Variants in LDB2 observed in about 807,000 individuals in gnomAD.
LDB2 encodes LIM domain binding 2.
Under a neutral mutation model 44.3 loss-of-function variants are expected in LDB2, and 12 were observed. The observed-to-expected ratio is 0.27, with a 90% CI of 0.17 to 0.44. The LOEUF (loss-of-function observed/expected upper bound fraction) is 0.44. LDB2 is among the 20% of genes least tolerant of loss of function. The pLI, the probability that LDB2 is intolerant of heterozygous loss-of-function variation, is 1.00. For synonymous variants in LDB2, 164 were observed against 174.8 expected (o/e 0.94, Z 0.49); for missense variants, 344 against 473.5 (o/e 0.73, Z 2.54).
chr4:16,887,046 A>T, intron 1 of LDB2, among the ~76,000 whole-genome samples: 1 of 149,678 alleles, frequency 6.7e-6, no homozygotes, highest in Non-Finnish European at 1.5e-5. Context: ...AAAAAAAAAA[A>T]AAAAAAAAAA....
At chr4:16,513,759 T>C (rs1722658353) in intron 5 of LDB2, among the ~76,000 whole-genome samples, 1 of 152,152 alleles carries the variant, frequency 6.6e-6, no homozygotes, top group African/African-American at 2.4e-5. Flanking sequence ...GCAAAGTTTG[T>C]CTTTTACTTT....
chr4:16,694,266 G>A (rs891967180), intron 2 of LDB2, among the ~76,000 whole-genome samples: 7 of 152,174 alleles, frequency 4.6e-5, no homozygotes, highest in South Asian at 4.1e-4. Flanking sequence ...TTACAAACAC[G>A]TTGCCATATT....
At chr4:16,752,572 A>G (rs921425605) in intron 2 of LDB2, 1 of 344,758 alleles carries the variant, frequency 2.9e-6, no homozygotes, top group South Asian at 2.4e-5. Flanking sequence ...CTGTTGTCTC[A>G]TAGGTTTAAC....
intron 5 of LDB2, among the ~76,000 whole-genome samples, chr4:16,579,056 C>T (rs956198136): frequency 1.3e-5 from 2 of 151,620 alleles, no homozygotes; most frequent in Admixed American, 6.6e-5. Flanking sequence ...GTCAGGGTGG[C>T]GGAAAAGGAG....
intron 5 of LDB2, among the ~76,000 whole-genome samples, chr4:16,515,457 A>G (rs1405246491): frequency 6.6e-6 from 1 of 152,222 alleles, no homozygotes; most frequent in Non-Finnish European, 1.5e-5. Context: ...TTGCTACTAC[A>G]AATCAAAGTG....
At chr4:16,710,735 A>T (rs960092141) in intron 2 of LDB2, among the ~76,000 whole-genome samples, 4 of 152,204 alleles carry the variant, frequency 2.6e-5, no homozygotes, top group African/African-American at 9.6e-5. Context: ...ATCCCTAAAC[A>T]ATATTTAGAC....
intron 1 of LDB2, among the ~76,000 whole-genome samples, chr4:16,851,402 T>C (rs1174726965): frequency 6.6e-6 from 1 of 151,804 alleles, no homozygotes; most frequent in Non-Finnish European, 1.5e-5. Flanking sequence ...TTAGTAGGGA[T>C]TGTGGCAATC....
chr4:16,752,344 T>C (rs1765651748), intron 2 of LDB2: 1 of 414,156 alleles, frequency 2.4e-6, no homozygotes. Context: ...GGGATGAAAA[T>C]CTCACCCTCT....
intron 2 of LDB2, among the ~76,000 whole-genome samples, chr4:16,739,754 A>ATGTG (rs1762860656): frequency 7.2e-6 from 1 of 138,764 alleles, no homozygotes; most frequent in Non-Finnish European, 1.5e-5. Context: ...ATATACATAT[A>ATGTG]TATATAACTA....
intron 2 of LDB2, among the ~76,000 whole-genome samples, chr4:16,632,096 A>G (rs913714943): frequency 2.6e-5 from 4 of 152,256 alleles, no homozygotes; most frequent in Non-Finnish European, 5.9e-5. Context: ...TGAGGCCAGC[A>G]TCATCCTGAT....
chr4:16,806,852 T>C (rs1486794486), intron 1 of LDB2, among the ~76,000 whole-genome samples: 2 of 151,968 alleles, frequency 1.3e-5, no homozygotes, highest in Non-Finnish European at 2.9e-5. Context: ...CCTCTTCTTG[T>C]TCTCATTTTC....
Position 16,739,339 on chromosome 4 carries a change from C to T in LDB2, c.235+19819G>A, listed in dbSNP as rs149095922. Among the ~76,000 whole-genome samples, 530 of 151,222 alleles carry T rather than the reference C, an allele frequency of 3.5e-3. 2 individuals are homozygous for T. The highest frequency in any genetic ancestry group is 0.02 in the Middle Eastern group (6 of 294). The stretch of plus-strand genomic sequence containing the variant: ...TGGTGGCTCATGACTGTAATCCCAC[C>T]GCTTTGGGAGGCCGAGGCAGGCAGA... On this transcript the variant is annotated intron_variant, in intron 2 of 7. Transcript: ENST00000304523.
At chr4:16,574,267 TTAACAA>T (rs1312233297) in intron 5 of LDB2, among the ~76,000 whole-genome samples, 18 of 152,208 alleles carry the variant, frequency 1.2e-4, no homozygotes, top group African/African-American at 4.1e-4. Flanking sequence ...TTAGACTTAC[TTAACAA>T]TAACAACAAC....
chr4:16,646,226 T>C (rs141482535), intron 2 of LDB2, among the ~76,000 whole-genome samples: 17 of 152,328 alleles, frequency 1.1e-4, no homozygotes, highest in African/African-American at 4.1e-4. Flanking sequence ...TTTTTTAAAA[T>C]ATGCTGTAAT....
At chr4:16,621,717 A>G (rs1195483048) in intron 2 of LDB2, among the ~76,000 whole-genome samples, 2 of 151,876 alleles carry the variant, frequency 1.3e-5, no homozygotes, top group East Asian at 3.9e-4. Context: ...CACCCCAGCT[A>G]ATTTCTTTTA....
At chr4:16,527,667 C>A (rs1728709257) in intron 5 of LDB2, among the ~76,000 whole-genome samples, 1 of 152,110 alleles carries the variant, frequency 6.6e-6, no homozygotes, top group Non-Finnish European at 1.5e-5. Context: ...GTGGAACCAG[C>A]CCACATGCCC....
At chr4:16,561,280 C>A (rs1742116057) in intron 5 of LDB2, among the ~76,000 whole-genome samples, 2 of 152,154 alleles carry the variant, frequency 1.3e-5, no homozygotes, top group African/African-American at 4.8e-5. Context: ...GTCAAATTGT[C>A]CCTGTTTGCA....
At chr4:16,799,194 G>GA (rs1228772252) in intron 1 of LDB2, among the ~76,000 whole-genome samples, 7 of 151,804 alleles carry the variant, frequency 4.6e-5, no homozygotes, top group South Asian at 2.1e-4. Context: ...ACGCAGTTAA[G>GA]AAAAAAAAGA....
chr4:16,833,171 G>T (rs937774654), intron 1 of LDB2, among the ~76,000 whole-genome samples: 1 of 152,084 alleles, frequency 6.6e-6, no homozygotes, highest in Non-Finnish European at 1.5e-5. Flanking sequence ...GAAAAGCTAG[G>T]TCTGTCTAAT....
Sources: allele counts gnomAD v4.1 joint callset (sites outside exome capture counted in the v4.1 genomes callset), GRCh38; gene constraint gnomAD v4.1.1; transcripts MANE v1.5; gene names NCBI Gene and HGNC (gene_info 2026-07-23, HGNC 2026-07-21).